ZDHHC24: variants seen among roughly 807,000 people sequenced by gnomAD.
The protein encoded by ZDHHC24 is zDHHC palmitoyltransferase 24.
Under a neutral mutation model 23.2 loss-of-function variants are expected in ZDHHC24, and 17 were observed. The ratio of observed to expected loss-of-function variants is 0.73; its 90% confidence interval spans 0.50 to 1.10. The LOEUF is 1.10. Ranked by LOEUF, ZDHHC24 falls within the 50% of genes least tolerant of loss-of-function variation. The pLI, the probability that ZDHHC24 is intolerant of heterozygous loss-of-function variation, is 0.00. For missense variants in ZDHHC24, 366 were observed against 393.0 expected (o/e 0.93, Z 0.58); for synonymous variants, 186 against 194.5 (o/e 0.96, Z 0.36).
chr11:66,526,786 C>T lies in ZDHHC24; in HGVS notation c.*21+150G>A, dbSNP rs1014835928. On this transcript the variant is annotated intron_variant, in intron 4 of 4. Transcript: ENST00000526986. ...CCGGCTTTACGTGGATCAGACACTGCGAGAGCGGGAGGCTGGCACCGGTGA... is the reference window on the plus strand; with the variant it reads ...CCGGCTTTACGTGGATCAGACACTGTGAGAGCGGGAGGCTGGCACCGGTGA... 5 of 1,614,094 alleles carry T rather than the reference C, an allele frequency of 3.1e-6. No individual in the cohort carries two copies. Among genetic ancestry groups the T allele is most frequent in the Admixed American group, 1.7e-5 (1 of 60,010 alleles).
Position 66,543,756 on chromosome 11 carries a change from C to A in ZDHHC24, c.507G>T (p.Thr169=), listed in dbSNP as rs567205852. The A allele has an allele frequency of 6.2e-7, 1 of 1,606,168 alleles. No homozygotes were observed. The highest frequency in any genetic ancestry group is 8.5e-7 in the Non-Finnish European group (1 of 1,176,456). ...PALSALLRAH[T]PLHMAALLLL... ...GGAGGAGGGCAGCCATGTGGAGGGG[C>A]GTGTGGGCTCGCAGCAGGGCCGACA... The change falls in exon 2 of 3, where the codon ACG becomes ACT. Residue 169 remains threonine (T), a synonymous_variant. Transcript: ENST00000310442.
At chr11:66,521,204 T>TA in exon 5 of ZDHHC24, 1 of 1,205,326 alleles carries the variant, frequency 8.3e-7, no homozygotes, top group East Asian at 2.3e-5. Flanking sequence ...TCAGAGGAGT[T>TA]ACTGACAGGG....
intron 4 of ZDHHC24, chr11:66,526,295 T>C: frequency 1.6e-6 from 2 of 1,225,524 alleles, no homozygotes; most frequent in Non-Finnish European, 2.4e-6. Flanking sequence ...TGGGTGGACC[T>C]GGGTGTGGAA....
At chr11:66,521,504 A>C (rs1291958124) in intron 4 of ZDHHC24, 3 of 771,604 alleles carry the variant, frequency 3.9e-6, no homozygotes, top group Non-Finnish European at 2.2e-6. Context: ...GAACTTCATA[A>C]AGGAGGCTGA....
chr11:66,543,944 T>A lies in ZDHHC24; in HGVS notation c.319A>T (p.Ser107Cys). ...ACGCGGCAGGCAGAGCAGTGTCCGC[T>A]GCGTGGCGGCACCTGGCTTTGGCAT... ...YQCQSQVPPR[S>C]GHCSACRVCI... The change falls in exon 2 of 3, where the codon AGC (serine) becomes TGC (cysteine). Residue 107 changes from serine to cysteine, a missense_variant. Physicochemically the swap from Ser to Cys is moderately radical, Grantham distance 112. Coordinates refer to ENST00000310442, the MANE Select transcript of ZDHHC24 (RefSeq NM_207340.3). The A allele has an allele frequency of 6.2e-7, 1 of 1,613,652 alleles. No homozygotes were observed. Among genetic ancestry groups the A allele is most frequent in the South Asian group, 1.1e-5 (1 of 91,010 alleles).
exon 5 of ZDHHC24, chr11:66,521,226 G>A (rs762622519): frequency 7.4e-6 from 11 of 1,482,462 alleles, no homozygotes; most frequent in Middle Eastern, 1.9e-4. Context: ...AGGGAGGGAC[G>A]GGGGCTCCAG....
chr11:66,531,285 C>T (rs537939035), downstream of ZDHHC24, among the ~76,000 whole-genome samples: 6 of 152,352 alleles, frequency 3.9e-5, no homozygotes, highest in Admixed American at 1.3e-4. Flanking sequence ...GCTGGGAAAA[C>T]TGCTAGAGCC....
chr11:66,529,391 G>A, exon 3 of ZDHHC24: 1 of 1,330,622 alleles, frequency 7.5e-7, no homozygotes, highest in Non-Finnish European at 1.0e-6. Flanking sequence ...GCAGGCGAGG[G>A]TGCTCACTAA....
chr11:66,526,656 C>T lies in ZDHHC24; in HGVS notation c.*21+280G>A, dbSNP rs1856512263. The T allele has an allele frequency of 1.2e-5, 19 of 1,614,078 alleles. No homozygotes were observed. The highest frequency in any genetic ancestry group is 1.6e-5 in the Non-Finnish European group (19 of 1,180,038). On this transcript the variant is annotated intron_variant, in intron 4 of 4. Coordinates refer to the ZDHHC24 transcript ENST00000526986. ...CACTGTCCACTTCCCTAGGTGGTGGCCTGATCATCAAGATCCTGAAGCGTA... is the reference window on the plus strand; with the variant it reads ...CACTGTCCACTTCCCTAGGTGGTGGTCTGATCATCAAGATCCTGAAGCGTA...
chr11:66,526,914 G>A lies in ZDHHC24; in HGVS notation c.*21+22C>T, dbSNP rs760183317. ...CCCTGTGCACTGGGAGGAGATCTCGGCCAACTAGGTAGGTCACTCACCTCT... is the reference window on the plus strand; with the variant it reads ...CCCTGTGCACTGGGAGGAGATCTCGACCAACTAGGTAGGTCACTCACCTCT... On this transcript the variant is annotated intron_variant, in intron 4 of 4. Transcript: ENST00000526986. The A allele has an allele frequency of 5.0e-6, 8 of 1,607,206 alleles. No individual in the cohort carries two copies. In the South Asian group the frequency reaches 7.7e-5, roughly 15 times the overall value.
intron 4 of ZDHHC24, chr11:66,523,513 C>G: frequency 6.2e-7 from 1 of 1,614,152 alleles, no homozygotes. Context: ...TGGGACTTAT[C>G]CGGGTACACA....
Position 66,521,275 on chromosome 11 carries a change from C to T in ZDHHC24, c.*213G>A. ...TTTGCGCTTCTTGTTTGCAGATGAG[C>T]CTTCCCAGCGTCCCCGTCTTCCTAG... On this transcript the variant is annotated 3_prime_UTR_variant, in exon 5 of 5. Transcript: ENST00000526986. 1.9e-6 allele frequency: 3 copies of T among 1,613,898 alleles called. No homozygotes were observed. The highest frequency in any genetic ancestry group is 2.5e-6 in the Non-Finnish European group (3 of 1,179,802).
chr11:66,535,526 C>T (rs1438435689), downstream of ZDHHC24, among the ~76,000 whole-genome samples: 2 of 152,048 alleles, frequency 1.3e-5, no homozygotes, highest in African/African-American at 4.8e-5. Flanking sequence ...GACAGGGTCT[C>T]ACTATGTTGC....
chr11:66,542,505 G>A (rs982286807), intron 2 of ZDHHC24: 29 of 153,798 alleles, frequency 1.9e-4, no homozygotes, highest in Admixed American at 1.0e-3. Context: ...AGGGCGTGGA[G>A]GAGTAAAAGA....
At chr11:66,523,647 T>C in intron 4 of ZDHHC24, 1 of 1,611,794 alleles carries the variant, frequency 6.2e-7, no homozygotes, top group Non-Finnish European at 8.5e-7. Flanking sequence ...GAGAGTCCTC[T>C]GGCTTCCCCA....
downstream of ZDHHC24, among the ~76,000 whole-genome samples, chr11:66,533,852 C>T (rs1037907122): frequency 2.6e-5 from 4 of 152,196 alleles, no homozygotes; most frequent in Admixed American, 2.6e-4. Context: ...TGAAACATAT[C>T]CTCAAATATC....
Position 66,537,278 on chromosome 11 carries a change from C to T in ZDHHC24, c.*2251G>A, listed in dbSNP as rs984235930. The T allele has an allele frequency of 6.6e-6, 1 of 151,996 alleles. No homozygotes were observed. The highest frequency in any genetic ancestry group is 1.5e-5 in the Non-Finnish European group (1 of 67,980). The allele number at this position is 151,996 out of a possible 1,614,324, so 9.4% of individuals were successfully genotyped here. A position where few individuals can be genotyped will look rare whatever the true frequency, so the allele number is the denominator to read the frequency against. ...TCAAATAATCCTCACGTCACACCACCCCACCCAGAGGTGTAGCTGCTGGCT... is the reference window on the plus strand; with the variant it reads ...TCAAATAATCCTCACGTCACACCACTCCACCCAGAGGTGTAGCTGCTGGCT... On this transcript the variant is annotated 3_prime_UTR_variant, in exon 3 of 3. Transcript: ENST00000310442.
intron 4 of ZDHHC24, among the ~76,000 whole-genome samples, chr11:66,522,407 G>A (rs1856283027): frequency 6.6e-6 from 1 of 151,026 alleles, no homozygotes; most frequent in South Asian, 2.1e-4. Context: ...GAGTGCAGTG[G>A]CACGATCTCG....
At chr11:66,544,140 C>T (rs937793864) in intron 1 of ZDHHC24, among the ~76,000 whole-genome samples, 159 bp from the exon 2 acceptor site, 2 of 152,208 alleles carry the variant, frequency 1.3e-5, no homozygotes, top group Non-Finnish European at 2.9e-5. Context: ...AACAAGATGT[C>T]CCAGGCCCTT....
Sources: allele counts gnomAD v4.1 joint callset (sites outside exome capture counted in the v4.1 genomes callset), GRCh38; gene constraint gnomAD v4.1.1; transcripts MANE v1.5; gene names NCBI Gene and HGNC (gene_info 2026-07-23, HGNC 2026-07-21).